The following KRABD5 variants were observed in gnomAD, a reference collection of about 807,000 sequenced individuals.
The protein encoded by KRABD5 is KRAB domain-containing protein 5.
the KRABD5 span, among the ~76,000 whole-genome samples, chr16:31,751,527 A>G: frequency 6.6e-6 from 1 of 152,268 alleles, no homozygotes; most frequent in African/African-American, 2.4e-5. Context: ...TTGTGTTTCT[A>G]GGAATTTATC....
the KRABD5 span, chr16:31,723,143 TG>T: frequency 1.8e-6 from 2 of 1,137,988 alleles, no homozygotes; most frequent in Non-Finnish European, 2.5e-6. Flanking sequence ...AAACAGTATT[TG>T]GGGAAGTAAT....
the KRABD5 span, among the ~76,000 whole-genome samples, chr16:31,741,877 C>A: frequency 6.6e-6 from 1 of 152,090 alleles, no homozygotes; most frequent in Non-Finnish European, 1.5e-5. Flanking sequence ...AAGTCAATGT[C>A]TAGAATGGTA....
At chr16:31,754,609 T>G in the KRABD5 span, 656 of 476,716 alleles carry the variant, frequency 1.4e-3, 2 homozygotes, top group African/African-American at 0.012. Context: ...AGAGTATCTT[T>G]ATTCAAGAGA....
the KRABD5 span, among the ~76,000 whole-genome samples, chr16:31,742,057 T>G: frequency 8.5e-5 from 13 of 152,152 alleles, no homozygotes; most frequent in African/African-American, 2.9e-4. Flanking sequence ...CTTTCACTAT[T>G]GCTTATTTTT....
At chr16:31,725,415 C>T in the KRABD5 span, among the ~76,000 whole-genome samples, 2 of 152,088 alleles carry the variant, frequency 1.3e-5, no homozygotes, top group Non-Finnish European at 2.9e-5. Context: ...ACTGCTCCTG[C>T]CAGATTGTAT....
At chr16:31,754,643 A>G in the KRABD5 span, 2 of 463,108 alleles carry the variant, frequency 4.3e-6, no homozygotes, top group East Asian at 6.8e-5. Context: ...TAATAAGTGT[A>G]TAGAAACTTT....
At chr16:31,735,263 A>C in the KRABD5 span, among the ~76,000 whole-genome samples, 1 of 152,110 alleles carries the variant, frequency 6.6e-6, no homozygotes, top group Non-Finnish European at 1.5e-5. Context: ...TAATGGCTGA[A>C]TAGTAATTCA....
the KRABD5 span, among the ~76,000 whole-genome samples, chr16:31,726,875 G>A: frequency 6.6e-6 from 1 of 152,156 alleles, no homozygotes; most frequent in Non-Finnish European, 1.5e-5. Context: ...TTTGTGTAGT[G>A]TGGACATTTT....
the KRABD5 span, among the ~76,000 whole-genome samples, chr16:31,720,135 T>C: frequency 6.6e-6 from 1 of 152,228 alleles, no homozygotes; most frequent in South Asian, 2.1e-4. Flanking sequence ...CAGTACAAGC[T>C]CAGTAAACAC....
At chr16:31,760,916 A>G in the KRABD5 span, 4 of 152,140 alleles carry the variant, frequency 2.6e-5, no homozygotes, top group African/African-American at 9.7e-5. Flanking sequence ...CTTCAGAAGC[A>G]TTGTCCAAAG....
At chr16:31,759,380 A>AG in the KRABD5 span, 17 of 1,537,124 alleles carry the variant, frequency 1.1e-5, no homozygotes, top group Admixed American at 5.9e-5. Flanking sequence ...ATGGTGAAAA[A>AG]AATCAACAAG....
the KRABD5 span, among the ~76,000 whole-genome samples, chr16:31,744,553 A>G: frequency 6.6e-6 from 1 of 152,170 alleles, no homozygotes; most frequent in Admixed American, 6.5e-5. Context: ...TTTTCACATC[A>G]ATGTTCATTG....
the KRABD5 span, among the ~76,000 whole-genome samples, chr16:31,724,845 T>C: frequency 2.6e-5 from 4 of 152,196 alleles, no homozygotes; most frequent in East Asian, 7.7e-4. Context: ...ATCTCCCCAG[T>C]TTTACCACCT....
At chr16:31,747,439 G>A in the KRABD5 span, among the ~76,000 whole-genome samples, 4 of 152,242 alleles carry the variant, frequency 2.6e-5, no homozygotes, top group Non-Finnish European at 2.9e-5. Context: ...GAATGCTGCC[G>A]CAATAAACAT....
chr16:31,737,695 C>T, the KRABD5 span, among the ~76,000 whole-genome samples: 2 of 152,142 alleles, frequency 1.3e-5, no homozygotes, highest in Admixed American at 6.5e-5. Flanking sequence ...CAGTAGCAGA[C>T]TGTTTTGAGT....
the KRABD5 span, among the ~76,000 whole-genome samples, chr16:31,717,311 G>A: frequency 2.6e-5 from 4 of 151,922 alleles, no homozygotes; most frequent in African/African-American, 4.8e-5. Flanking sequence ...TTTTTGATTC[G>A]GGACATTCTT....
chr16:31,743,281 C>T, the KRABD5 span, among the ~76,000 whole-genome samples: 2 of 152,096 alleles, frequency 1.3e-5, no homozygotes, highest in African/African-American at 4.8e-5. Flanking sequence ...TTTAGTCCAT[C>T]TTGAGTTAGT....
chr16:31,732,929 A>G, the KRABD5 span, among the ~76,000 whole-genome samples: 1 of 152,160 alleles, frequency 6.6e-6, no homozygotes, highest in Non-Finnish European at 1.5e-5. Flanking sequence ...TTTTAATAGA[A>G]TATCTATGAT....
chr16:31,730,976 A>G, the KRABD5 span, among the ~76,000 whole-genome samples: 2 of 152,150 alleles, frequency 1.3e-5, no homozygotes, highest in Admixed American at 1.3e-4. Context: ...GTTCTTTTGC[A>G]TCTCATTGAA....
Sources: gnomAD v4.1 joint callset for allele counts (sites outside exome capture counted in the v4.1 genomes callset) on GRCh38, gnomAD v4.1.1 for gene constraint, MANE v1.5 for transcripts, NCBI Gene and HGNC (gene_info 2026-07-23, HGNC 2026-07-21) for gene names.